The following RTN4IP1 variants were observed in gnomAD, a reference collection of about 807,000 sequenced individuals.
The protein encoded by RTN4IP1 is NAD(P)H oxidoreductase RTN4IP1, mitochondrial.
In RTN4IP1, 32 loss-of-function variants were observed where a neutral mutation model predicts 46.6. The ratio of observed to expected loss-of-function variants is 0.69; its 90% CI spans 0.52 to 0.92. The LOEUF is 0.92. Ranked by LOEUF, RTN4IP1 falls within the 40% of genes least tolerant of loss-of-function variation. RTN4IP1 has a pLI of 0.00. For synonymous variants in RTN4IP1, 167 were observed against 161.8 expected, an observed-to-expected ratio of 1.03 and a Z score of -0.24; for missense variants, 424 against 485.8, an observed-to-expected ratio of 0.87 and a Z score of 1.20.
Position 106,571,011 on chromosome 6 carries a change from T to G in RTN4IP1, c.*985A>C, listed in dbSNP as rs765723859. ...CACTGCAATGGGTTGATTGGAGAGA[T>G]ATCTAAATGTAAACATTTGACATCA... is the stretch of plus-strand genomic sequence containing the variant. On this transcript the variant is annotated 3_prime_UTR_variant, in exon 9 of 9. Transcript: ENST00000369063. 4.6e-5 allele frequency: 7 copies of G among 152,178 alleles called. No homozygotes were observed. The highest frequency in any genetic ancestry group is 8.8e-5 in the Non-Finnish European group (6 of 68,038). 9.4% of individuals were successfully genotyped at this position (152,178 alleles called of 1,614,324 possible).
At chr6:106,625,732 C>T (rs145406490) in intron 1 of RTN4IP1, among the ~76,000 whole-genome samples, 5 of 140,208 alleles carry the variant, frequency 3.6e-5, no homozygotes, top group African/African-American at 7.9e-5. Flanking sequence ...GGCGTGATCT[C>T]GGCTCACTGC....
At chr6:106,613,391 A>T (rs1776276867) in intron 4 of RTN4IP1, among the ~76,000 whole-genome samples, 1 of 152,162 alleles carries the variant, frequency 6.6e-6, no homozygotes, top group Non-Finnish European at 1.5e-5. Flanking sequence ...TGAGTAGTGA[A>T]GGAGAAAGAA....
At chr6:106,620,370 TG>T (rs1776458592) in intron 3 of RTN4IP1, among the ~76,000 whole-genome samples, 1 of 152,168 alleles carries the variant, frequency 6.6e-6, no homozygotes, top group Non-Finnish European at 1.5e-5. Context: ...CCCAAAATGC[TG>T]GGATTACAGG....
chr6:106,621,430 T>G lies in RTN4IP1; in HGVS notation c.490A>C (p.Asn164His). The G allele has an allele frequency of 6.2e-7, 1 of 1,612,658 alleles. No individual in the cohort carries two copies. The highest frequency in any genetic ancestry group is 2.2e-5 in the East Asian group (1 of 44,874). ...CAGCAGAGTTGGTAAGTTACCTCAT[T>G]CCCACTGACTACAACAAACTCTGAA... ...TLSEFVVVSG[N>H]EVSHKPKSLT... The change falls in exon 3 of 9, where the codon AAT (asparagine) becomes CAT (histidine). Residue 164 changes from asparagine to histidine, a missense_variant. Coordinates refer to ENST00000369063, the MANE Select transcript of RTN4IP1 (RefSeq NM_032730.5).
intron 2 of RTN4IP1, 57 bp from the exon 3 acceptor site, chr6:106,621,550 G>C: frequency 6.7e-7 from 1 of 1,491,326 alleles, no homozygotes; most frequent in Non-Finnish European, 9.3e-7. Context: ...TTTGACCGAA[G>C]CTAAGCAAGA....
intron 6 of RTN4IP1, among the ~76,000 whole-genome samples, chr6:106,589,409 G>A (rs1775592384): frequency 6.6e-6 from 1 of 151,518 alleles, no homozygotes; most frequent in African/African-American, 2.4e-5. Flanking sequence ...CTTAATAGAT[G>A]ACCATTCTTT....
intron 2 of RTN4IP1, among the ~76,000 whole-genome samples, chr6:106,621,775 G>A (rs1273516560): frequency 3.9e-5 from 6 of 152,112 alleles, no homozygotes; most frequent in Admixed American, 1.3e-4. Context: ...TCTGAGTCCT[G>A]GCTCCACCAC....
chr6:106,587,349 A>G lies in RTN4IP1; in HGVS notation c.990+330T>C, dbSNP rs556367199. On this transcript the variant is annotated intron_variant, in intron 7 of 8. Coordinates refer to ENST00000369063, the MANE Select transcript of RTN4IP1 (RefSeq NM_032730.5). ...TAAGTAATAATAAAGGCAACATTTA[A>G]TAAGGGCTTTTTATGTACTAGGCAT... 5.9e-5 allele frequency among the ~76,000 whole-genome samples: 9 copies of G among 152,392 alleles called. No individual in the cohort carries two copies. The South Asian group carries it at 1.9e-3, about 32-fold the overall frequency.
intron 4 of RTN4IP1, among the ~76,000 whole-genome samples, 179 bp downstream of exon 4, chr6:106,619,023 T>C (rs552351695): frequency 8.1e-4 from 124 of 152,334 alleles, no homozygotes; most frequent in African/African-American, 2.9e-3. Context: ...ATCCACAGAA[T>C]GAAGCTAAGA....
intron 6 of RTN4IP1, among the ~76,000 whole-genome samples, chr6:106,590,723 A>AG (rs1256788169): frequency 6.6e-6 from 1 of 151,020 alleles, no homozygotes; most frequent in East Asian, 1.9e-4. Context: ...TCAAAAAAAA[A>AG]AAAAAAAAAA....
At chr6:106,607,318 A>C (rs1776105151) in intron 4 of RTN4IP1, among the ~76,000 whole-genome samples, 1 of 152,116 alleles carries the variant, frequency 6.6e-6, no homozygotes, top group South Asian at 2.1e-4. Context: ...ATATGGGAAT[A>C]CGGGCAAAAA....
chr6:106,623,152 C>T (rs1452546420), intron 1 of RTN4IP1, among the ~76,000 whole-genome samples, 183 bp from the exon 2 acceptor site: 1 of 129,526 alleles, frequency 7.7e-6, no homozygotes, highest in Non-Finnish European at 1.8e-5. Flanking sequence ...GACATGGACT[C>T]AACCTAACTA....
At chr6:106,574,986 A>G (rs1021420994) in intron 8 of RTN4IP1, among the ~76,000 whole-genome samples, 2 of 152,220 alleles carry the variant, frequency 1.3e-5, no homozygotes, top group Non-Finnish European at 2.9e-5. Flanking sequence ...AAAGGTTTCA[A>G]ATTGAAGGCA....
At chr6:106,607,385 T>C (rs773333413) in intron 4 of RTN4IP1, among the ~76,000 whole-genome samples, 2 of 151,918 alleles carry the variant, frequency 1.3e-5, no homozygotes, top group African/African-American at 2.4e-5. Context: ...AATAGGACTA[T>C]ATCAAACTAA....
chr6:106,629,825 T>C (rs1030013523), upstream of RTN4IP1: 2 of 1,217,052 alleles, frequency 1.6e-6, no homozygotes, highest in African/African-American at 1.5e-5. Context: ...CCTCTAGAAC[T>C]GAGTGGGGGA....
intron 4 of RTN4IP1, among the ~76,000 whole-genome samples, chr6:106,607,358 C>T (rs769829588): frequency 6.6e-6 from 1 of 151,816 alleles, no homozygotes; most frequent in African/African-American, 2.4e-5. Flanking sequence ...AAAGCACAGG[C>T]AGCAAAAACA....
intron 7 of RTN4IP1, among the ~76,000 whole-genome samples, chr6:106,584,055 T>C (rs1488045599): frequency 1.3e-5 from 2 of 152,160 alleles, no homozygotes; most frequent in African/African-American, 2.4e-5. Context: ...TGAGTACAAA[T>C]CTTACACCAA....
intron 5 of RTN4IP1, among the ~76,000 whole-genome samples, chr6:106,595,317 C>T (rs1339560079): frequency 3.3e-5 from 5 of 152,078 alleles, no homozygotes; most frequent in African/African-American, 1.2e-4. Flanking sequence ...CATTTCAATC[C>T]CTTTAGCAAA....
chr6:106,602,395 A>G (rs1775970084), intron 5 of RTN4IP1, among the ~76,000 whole-genome samples: 1 of 152,218 alleles, frequency 6.6e-6, no homozygotes, highest in African/African-American at 2.4e-5. Context: ...TTTTAGAATC[A>G]GCTTACCAAT....
Sources: allele counts gnomAD v4.1 joint callset (sites outside exome capture counted in the v4.1 genomes callset), GRCh38; gene constraint gnomAD v4.1.1; transcripts MANE v1.5; gene names NCBI Gene and HGNC (gene_info 2026-07-23, HGNC 2026-07-21).